Variants in CDH12 observed in about 807,000 individuals in gnomAD.
The protein encoded by CDH12 is cadherin 12.
CDH12 carries 41 observed loss-of-function variants against 74.1 expected under a neutral mutation model. That is an observed-to-expected ratio of 0.55 (90% CI 0.43 to 0.72). CDH12 has a LOEUF of 0.72. CDH12 is among the 30% of genes least tolerant of loss of function. CDH12 has a pLI of 0.00. For missense variants in CDH12, 945 were observed against 977.2 expected, an observed-to-expected ratio of 0.97 and a Z score of 0.44; for synonymous variants, 399 against 355.0, an observed-to-expected ratio of 1.12 and a Z score of -1.39.
At chr5:21,965,768 A>AT (rs561046821) in intron 6 of CDH12, among the ~76,000 whole-genome samples, 33 of 151,956 alleles carry the variant, frequency 2.2e-4, no homozygotes, top group Non-Finnish European at 4.7e-4. Flanking sequence ...GCAATTTTCC[A>AT]TTTTTTTCAG....
At chr5:22,773,610 C>G (rs1299431603) in intron 1 of CDH12, among the ~76,000 whole-genome samples, 1 of 151,950 alleles carries the variant, frequency 6.6e-6, no homozygotes, top group African/African-American at 2.4e-5. Context: ...ATGACTATTC[C>G]TCAAAAGCAA....
chr5:21,853,287 C>T (rs922457495), intron 7 of CDH12, among the ~76,000 whole-genome samples: 3 of 151,494 alleles, frequency 2.0e-5, no homozygotes, highest in African/African-American at 7.3e-5. Flanking sequence ...GGCTTTTATT[C>T]TCCAAAACTC....
intron 1 of CDH12, among the ~76,000 whole-genome samples, chr5:22,676,976 C>T (rs1002819959): frequency 3.3e-5 from 5 of 152,124 alleles, no homozygotes; most frequent in African/African-American, 1.2e-4. Context: ...ATAGATTAGA[C>T]AATCAATATA....
chr5:22,847,669 T>C (rs569070560), intron 1 of CDH12, among the ~76,000 whole-genome samples: 1 of 152,282 alleles, frequency 6.6e-6, no homozygotes, highest in African/African-American at 2.4e-5. Flanking sequence ...TAATAATCCT[T>C]TTTTGAATAA....
chr5:22,075,426 C>T (rs1352445127), intron 5 of CDH12, among the ~76,000 whole-genome samples: 4 of 151,604 alleles, frequency 2.6e-5, no homozygotes, highest in Non-Finnish European at 4.4e-5. Context: ...CAAACCTGCA[C>T]GTTGTGCACA....
chr5:22,738,453 T>C (rs1266769441), intron 1 of CDH12, among the ~76,000 whole-genome samples: 1 of 152,018 alleles, frequency 6.6e-6, no homozygotes, highest in Non-Finnish European at 1.5e-5. Flanking sequence ...CTCTACTACG[T>C]TGATATTGTT....
At chr5:22,390,616 AG>A (rs1742206673) in intron 3 of CDH12, among the ~76,000 whole-genome samples, 3 of 147,696 alleles carry the variant, frequency 2.0e-5, no homozygotes, top group Admixed American at 1.4e-4. Flanking sequence ...ATAGATAGAT[AG>A]ATAGATGATA....
chr5:22,117,642 T>C (rs931957365), intron 4 of CDH12, among the ~76,000 whole-genome samples: 1 of 146,612 alleles, frequency 6.8e-6, no homozygotes, highest in Non-Finnish European at 1.5e-5. Context: ...TGAGCAGAAA[T>C]GTTATTCGCT....
chr5:21,856,737 T>C (rs1750773825), intron 6 of CDH12, among the ~76,000 whole-genome samples: 1 of 151,816 alleles, frequency 6.6e-6, no homozygotes, highest in African/African-American at 2.4e-5. Flanking sequence ...AATTGGAAAA[T>C]ACTTCATTAA....
intron 6 of CDH12, among the ~76,000 whole-genome samples, chr5:21,870,324 T>G (rs955041168): frequency 6.6e-6 from 1 of 152,124 alleles, no homozygotes; most frequent in African/African-American, 2.4e-5. Context: ...GATTTGCATG[T>G]GAGTCAGTGG....
chr5:21,861,540 C>G (rs931721646), intron 6 of CDH12, among the ~76,000 whole-genome samples: 2 of 151,940 alleles, frequency 1.3e-5, no homozygotes, highest in Admixed American at 1.3e-4. Flanking sequence ...ATTTCTTGAA[C>G]CTTATTTTAT....
intron 3 of CDH12, among the ~76,000 whole-genome samples, chr5:22,401,638 T>A (rs1742733257): frequency 6.6e-6 from 1 of 152,174 alleles, no homozygotes; most frequent in South Asian, 2.1e-4. Flanking sequence ...AAGTAGTTCA[T>A]AATAATGTAT....
Position 22,290,725 on chromosome 5 carries a change from T to C in CDH12, c.-332-78082A>G, listed in dbSNP as rs538622893. On this transcript the variant is annotated intron_variant, in intron 3 of 14. Transcript: ENST00000382254. ...GATACTATAGAAATACAAAGGATCA[T>C]GAGAGATTGTTATGAACAATTAGAC... Among the ~76,000 whole-genome samples the C allele has an allele frequency of 3.9e-5, 6 of 152,240 alleles. No individual in the cohort carries two copies. The East Asian group carries it at 9.7e-4, about 25-fold the overall frequency.
At chr5:22,287,559 C>T (rs978981957) in intron 3 of CDH12, among the ~76,000 whole-genome samples, 1 of 151,696 alleles carries the variant, frequency 6.6e-6, no homozygotes, top group Non-Finnish European at 1.5e-5. Context: ...CCCGTCTCTA[C>T]TAAAAATACA....
chr5:21,957,697 G>T lies in CDH12; in HGVS notation c.526+17394C>A, dbSNP rs918231126. The stretch of plus-strand genomic sequence containing the variant: ...TGAGTTTGTTTTTTTTCACATGCTT[G>T]TTGGCTGCATGTATGTCTTCTTTTA... On this transcript the variant is annotated intron_variant, in intron 6 of 14. Coordinates refer to ENST00000382254, the MANE Select transcript of CDH12 (RefSeq NM_004061.5). 2.0e-5 allele frequency among the ~76,000 whole-genome samples: 3 copies of T among 152,050 alleles called. No homozygotes were observed. The East Asian group carries it at 5.8e-4, about 29-fold the overall frequency.
chr5:21,918,380 CT>C (rs556040999), intron 6 of CDH12, among the ~76,000 whole-genome samples: 5 of 150,376 alleles, frequency 3.3e-5, no homozygotes, highest in South Asian at 2.1e-4. Flanking sequence ...TCTAAAAATC[CT>C]TTTTTTTTCA....
chr5:22,109,108 T>G (rs1744670972), intron 4 of CDH12, among the ~76,000 whole-genome samples: 1 of 152,146 alleles, frequency 6.6e-6, no homozygotes, highest in East Asian at 1.9e-4. Flanking sequence ...TCATAATTCA[T>G]TTTACTCTTT....
intron 9 of CDH12, among the ~76,000 whole-genome samples, chr5:21,815,775 A>G (rs1329489208): frequency 1.3e-5 from 2 of 152,146 alleles, no homozygotes; most frequent in South Asian, 4.1e-4. Context: ...ATCAACCAAC[A>G]TTGTGGTGAA....
chr5:21,933,403 A>G (rs112058285), intron 6 of CDH12, among the ~76,000 whole-genome samples: 7,211 of 152,252 alleles, frequency 0.047, 231 homozygotes, highest in Middle Eastern at 0.085. Context: ...AGCATCCATG[A>G]TATTTTTTAG....
Sources: allele counts gnomAD v4.1 joint callset (sites outside exome capture counted in the v4.1 genomes callset), GRCh38; gene constraint gnomAD v4.1.1; transcripts MANE v1.5; gene names NCBI Gene and HGNC (gene_info 2026-07-23, HGNC 2026-07-21).